The following USP22 variants were observed in gnomAD, a reference collection of about 807,000 sequenced individuals.
The protein encoded by USP22 is ubiquitin carboxyl-terminal hydrolase 22.
In USP22, 22 loss-of-function variants were observed where a neutral mutation model predicts 68.1. That is an observed-to-expected ratio of 0.32 (90% CI 0.23 to 0.46). The LOEUF (loss-of-function observed/expected upper bound fraction) is 0.46, where lower values mean the gene tolerates loss of function less well. USP22 is among the 20% of genes least tolerant of loss of function. The probability of loss-of-function intolerance (pLI) is 1.00; values close to 1 mark genes in which losing one functional copy is unlikely to be tolerated. For synonymous variants in USP22, 279 were observed against 274.2 expected, an observed-to-expected ratio of 1.02 and a Z score of -0.17; for missense variants, 433 against 695.8, an observed-to-expected ratio of 0.62 and a Z score of 4.25.
intron 1 of USP22, among the ~76,000 whole-genome samples, chr17:21,032,379 T>C (rs1006883440): frequency 1.3e-5 from 2 of 152,248 alleles, no homozygotes; most frequent in Non-Finnish European, 2.9e-5. Context: ...AGCACGTCCA[T>C]TGATAATACT....
chr17:21,004,493 C>T lies in USP22; in HGVS notation c.1386-142G>A, dbSNP rs57219705. 1.4e-4 allele frequency: 141 copies of T among 1,041,082 alleles called. No individual in the cohort carries two copies. The East Asian group carries it at 2.3e-3, about 17-fold the overall frequency. 64.5% of individuals were successfully genotyped at this position (1,041,082 alleles called of 1,614,324 possible). A position where few individuals can be genotyped will look rare whatever the true frequency, so the allele number is the denominator to read the frequency against. On this transcript the variant is annotated intron_variant, in intron 11 of 12. Coordinates refer to ENST00000261497, the MANE Select transcript of USP22 (RefSeq NM_015276.2). ...ACCCCCAGGGCCTCAGGCTGATGCA[C>T]AGGAGGCTGCAGGAACTAAGGGAGC...
intron 11 of USP22, 125 bp from the exon 12 acceptor site, chr17:21,004,476 G>T (rs1913710178): frequency 2.4e-6 from 3 of 1,229,998 alleles, no homozygotes; most frequent in Admixed American, 4.5e-5. Context: ...CAACCCCCAG[G>T]GCCTCAGGCT....
intron 1 of USP22, among the ~76,000 whole-genome samples, chr17:21,041,513 G>T (rs183852917): frequency 6.4e-4 from 98 of 152,232 alleles, no homozygotes; most frequent in African/African-American, 2.3e-3. Flanking sequence ...CAGGAGAATC[G>T]GCTGAACCCG....
chr17:21,025,792 A>G (rs957710729), intron 2 of USP22, among the ~76,000 whole-genome samples: 1 of 152,246 alleles, frequency 6.6e-6, no homozygotes, highest in East Asian at 1.9e-4. Context: ...CCAGGAAAGG[A>G]GAACCCACAG....
At chr17:21,005,927 C>CA (rs1443222993) in intron 10 of USP22, among the ~76,000 whole-genome samples, 2 of 152,162 alleles carry the variant, frequency 1.3e-5, no homozygotes, top group Non-Finnish European at 2.9e-5. Flanking sequence ...ACGGTCATGA[C>CA]AGAGAAGCAG....
chr17:21,025,985 C>T (rs1444222098), intron 2 of USP22, among the ~76,000 whole-genome samples: 2 of 152,126 alleles, frequency 1.3e-5, no homozygotes, highest in Admixed American at 6.5e-5. Flanking sequence ...TAGGGCCAGG[C>T]GCGGTGGCTC....
At chr17:21,040,020 G>C (rs1264565470) in intron 1 of USP22, among the ~76,000 whole-genome samples, 7 of 152,064 alleles carry the variant, frequency 4.6e-5, no homozygotes, top group Non-Finnish European at 1.0e-4. Flanking sequence ...GCAATATAGT[G>C]AGACACTGTC....
chr17:21,013,856 C>T (rs1013530777), intron 6 of USP22, among the ~76,000 whole-genome samples: 5 of 152,326 alleles, frequency 3.3e-5, no homozygotes, highest in South Asian at 4.1e-4. Flanking sequence ...GGGCGGATCA[C>T]GAGGTTAGGA....
At chr17:21,035,554 T>C (rs1972342980) in intron 1 of USP22, among the ~76,000 whole-genome samples, 1 of 150,742 alleles carries the variant, frequency 6.6e-6, no homozygotes, top group Non-Finnish European at 1.5e-5. Context: ...ACTTCCACTG[T>C]TGAGTATGCA....
At chr17:21,010,443 G>A (rs1276385466) in intron 8 of USP22, among the ~76,000 whole-genome samples, 2 of 151,910 alleles carry the variant, frequency 1.3e-5, no homozygotes, top group African/African-American at 4.8e-5. Context: ...TTGGGAGGCC[G>A]AGGTGGGTGA....
chr17:21,016,706 G>A (rs775870596), intron 5 of USP22, among the ~76,000 whole-genome samples: 11 of 152,192 alleles, frequency 7.2e-5, no homozygotes, highest in Non-Finnish European at 1.0e-4. Context: ...GCATCCATCC[G>A]TATGATGCGC....
In USP22 at chr17:21,002,809, T is replaced by C; in HGVS notation, c.*222A>G. 1.9e-6 allele frequency: 1 copy of C among 539,510 alleles called. No homozygotes were observed. The highest frequency in any genetic ancestry group is 3.4e-6 in the Non-Finnish European group (1 of 295,912). The allele number at this position is 539,510 out of a possible 1,614,324, so 33.4% of individuals were successfully genotyped here. On this transcript the variant is annotated 3_prime_UTR_variant, in exon 13 of 13. Transcript: ENST00000261497. ...GCTCCTCCCACCCAGAGCACACCCCTCATCTCATCCATCTTCAAAGCAGCT... is the reference window on the plus strand; with the variant it reads ...GCTCCTCCCACCCAGAGCACACCCCCCATCTCATCCATCTTCAAAGCAGCT...
At chr17:21,018,549 G>A (rs1459347360) in intron 4 of USP22, among the ~76,000 whole-genome samples, 1 of 151,910 alleles carries the variant, frequency 6.6e-6, no homozygotes, top group South Asian at 2.1e-4. Context: ...ATGTCTCTAC[G>A]CAAAACACAA....
At chr17:21,043,202 C>T (rs561771825), upstream of USP22, 149 of 165,428 alleles carry the variant, frequency 9.0e-4, 1 homozygote, top group African/African-American at 3.6e-3. Context: ...ACTCGCGCGC[C>T]CGTTAGGCTC....
At chr17:21,018,969 G>A (rs774750498) in intron 4 of USP22, 115 bp downstream of exon 4, 42 of 1,066,216 alleles carry the variant, frequency 3.9e-5, no homozygotes, top group Non-Finnish European at 5.6e-5. Flanking sequence ...ATTGATGAGT[G>A]ACAGTTATGC....
At chr17:21,005,334 T>TA (rs1342246262) in intron 10 of USP22, among the ~76,000 whole-genome samples, 1 of 152,170 alleles carries the variant, frequency 6.6e-6, no homozygotes, top group African/African-American at 2.4e-5. Context: ...CTCCCACATG[T>TA]AAAGGGTTAG....
Position 21,004,789 on chromosome 17 carries a change from AAT to A in USP22, c.1385+137_1385+138del, listed in dbSNP as rs559103344. The A allele has an allele frequency of 3.8e-3, 339 of 88,080 alleles. 112 individuals carry two copies. Among genetic ancestry groups the A allele is most frequent in the Middle Eastern group, 0.015 (5 of 332 alleles). 5.5% of individuals were successfully genotyped at this position (88,080 alleles called of 1,614,324 possible). On this transcript the variant is annotated intron_variant, in intron 11 of 12. Transcript: ENST00000261497. Reference sequence around the variant, plus strand: ...TTTCCTAGTGGAGCTGCGGGCAGCCAATAGTGGAGCTGCGGGCAGCCAAGCGG... The same window carrying A: ...TTTCCTAGTGGAGCTGCGGGCAGCCAAGTGGAGCTGCGGGCAGCCAAGCGG...
upstream of USP22, chr17:21,043,272 CTCCCCTTCCTTTATTGGTAGTAGGCCA>C: frequency 1.1e-5 from 2 of 180,504 alleles, no homozygotes; most frequent in Admixed American, 6.8e-5. Flanking sequence ...GGGCCCGCCC[CTCCCCTTCCTTTATTGGTAGTAGGCCA>C]CCCCCCCCCC....
chr17:21,030,292 T>C (rs1208721204), intron 1 of USP22, among the ~76,000 whole-genome samples: 1 of 152,224 alleles, frequency 6.6e-6, no homozygotes, highest in Admixed American at 6.5e-5. Flanking sequence ...TCAGTACTGA[T>C]GCACCTATCC....
Sources: allele counts gnomAD v4.1 joint callset (sites outside exome capture counted in the v4.1 genomes callset), GRCh38; gene constraint gnomAD v4.1.1; transcripts MANE v1.5; gene names NCBI Gene and HGNC (gene_info 2026-07-23, HGNC 2026-07-21).